Variants in USP53 observed in about 807,000 individuals in gnomAD.
USP53 encodes ubiquitin carboxyl-terminal hydrolase 53.
Under a neutral mutation model 94.9 loss-of-function variants are expected in USP53, and 71 were observed. The observed-to-expected ratio is 0.75, with a 90% CI of 0.62 to 0.91. The LOEUF (loss-of-function observed/expected upper bound fraction) is 0.91. Ranked by LOEUF, USP53 falls within the 40% of genes least tolerant of loss-of-function variation. The pLI is 0.00. For synonymous variants in USP53, 375 were observed against 422.7 expected, an observed-to-expected ratio of 0.89 and a Z score of 1.39; for missense variants, 1,173 against 1,281.0, an observed-to-expected ratio of 0.92 and a Z score of 1.29.
chr4:119,261,854 A>G lies in USP53; in HGVS notation c.962A>G (p.Asn321Ser), dbSNP rs779901722. 8 of 1,474,710 alleles carry G rather than the reference A, an allele frequency of 5.4e-6. No homozygotes were observed. The highest frequency in any genetic ancestry group is 2.8e-5 in the African/African-American group (2 of 72,410). The allele number at this position is 1,474,710 out of a possible 1,614,324, so 91.4% of individuals were successfully genotyped here. The stretch of plus-strand genomic sequence containing the variant: ...AAATGGGTATTTTTTGATGATGCAA[A>G]TGTGAAAGAGGTAAGTGACACTTTC... ...SSKWVFFDDA[N>S]VKEIGTRWKD... Residue 321 changes from asparagine (N) to serine (S), a missense_variant, in exon 12 of 19, where the codon AAT becomes AGT. Coordinates refer to ENST00000692078, the MANE Select transcript of USP53 (RefSeq NM_001371395.1).
At chr4:119,230,990 G>A (rs541576370) in intron 3 of USP53, among the ~76,000 whole-genome samples, 2 of 152,290 alleles carry the variant, frequency 1.3e-5, no homozygotes, top group South Asian at 4.1e-4. Context: ...AGCCCATGCA[G>A]GCTGTGTGAG....
At chr4:119,244,518 T>C (rs28449467) in intron 5 of USP53, among the ~76,000 whole-genome samples, 22,571 of 152,206 alleles carry the variant, frequency 0.15, 2,709 homozygotes, top group African/African-American at 0.33. Context: ...AAATAGCAGC[T>C]GGTACTCATT....
rs190283160 is a variant in USP53 at position 119,257,229 on chromosome 4, G to T, written c.569+706G>T. 2.0e-3 allele frequency among the ~76,000 whole-genome samples: 298 copies of T among 152,278 alleles called. 2 individuals are homozygous for T. Among genetic ancestry groups the T allele is most frequent in the Middle Eastern group, 6.8e-3 (2 of 294 alleles). On this transcript the variant is annotated intron_variant, in intron 9 of 18. Transcript: ENST00000692078. Reference sequence around the variant, plus strand: ...GGCCAAGGCAGGTGGATCACCTGAGGTCAGGAGTTCAAGACCAGCCTGGCC... The same window carrying T: ...GGCCAAGGCAGGTGGATCACCTGAGTTCAGGAGTTCAAGACCAGCCTGGCC...
At position 119,271,390 on chromosome 4, in the gene USP53, T is replaced by A. The variant is rs558258113; in HGVS notation, c.1530T>A (p.Ser510Arg). The A allele has an allele frequency of 6.2e-7, 1 of 1,613,712 alleles. No individual in the cohort carries two copies. Among genetic ancestry groups the A allele is most frequent in the Middle Eastern group, 1.7e-4 (1 of 6,058 alleles). ...KQHGNPHLYH[S>R]QGKGSYKHDR... ...ATGGGAATCCACATCTATATCATAGTCAAGGAAAAGGATCATATAAACATG... is the reference window on the plus strand; with the variant it reads ...ATGGGAATCCACATCTATATCATAGACAAGGAAAAGGATCATATAAACATG... The change falls in exon 16 of 19, where the codon AGT becomes AGA. Residue 510 changes from serine to arginine, a missense_variant. By Grantham distance (110) the Ser-to-Arg change is moderately radical. Transcript: ENST00000692078.
At chr4:119,214,604 C>T (rs1578393549) in intron 2 of USP53, among the ~76,000 whole-genome samples, 1 of 142,824 alleles carries the variant, frequency 7.0e-6, no homozygotes, top group Non-Finnish European at 1.5e-5. Context: ...CTAGTGTATT[C>T]TTTTCCTTAA....
chr4:119,234,231 GA>G (rs926581769), intron 3 of USP53, among the ~76,000 whole-genome samples: 8 of 152,286 alleles, frequency 5.3e-5, no homozygotes, highest in Non-Finnish European at 7.4e-5. Flanking sequence ...GTAAGGACTG[GA>G]AAAGGTCACA....
rs1561308995 is a variant in USP53 at position 119,271,680 on chromosome 4, C to T, written c.1820C>T (p.Pro607Leu). The change falls in exon 16 of 19, where the codon CCA becomes CTA. Residue 607 changes from proline to leucine, a missense_variant. Physicochemically the swap from Pro to Leu is moderately conservative, Grantham distance 98 (BLOSUM62 -3). Coordinates refer to ENST00000692078, the MANE Select transcript of USP53 (RefSeq NM_001371395.1). ...GAAAGTGAAAAAAGACAGCATAGTC[C>T]AAGACATAAACCAAATATCAGTAAT... ...FSESEKRQHS[P>L]RHKPNISNKP... 6.2e-7 allele frequency: 1 copy of T among 1,613,858 alleles called. No homozygotes were observed. The highest frequency in any genetic ancestry group is 8.5e-7 in the Non-Finnish European group (1 of 1,180,000).
At position 119,292,935 on chromosome 4, in the gene USP53, TA is replaced by T; in HGVS notation, c.2949del (p.Glu984LysfsTer5). 1 of 1,614,034 alleles carries T rather than the reference TA, an allele frequency of 6.2e-7. No individual in the cohort carries two copies. The highest frequency in any genetic ancestry group is 8.5e-7 in the Non-Finnish European group (1 of 1,179,960). ...VSTHMNDERH[K>X]ETFQVRECFG... is the part of the protein sequence containing the mutation. ...GTACACATATGAATGATGAAAGACA[TA>T]AAGAAACATTTCAAGTGAGAGAATG... On this transcript the variant is annotated frameshift_variant, in exon 19 of 19. Coordinates refer to ENST00000692078, the MANE Select transcript of USP53 (RefSeq NM_001371395.1). LOFTEE classifies it low-confidence loss of function (END_TRUNC).
intron 3 of USP53, among the ~76,000 whole-genome samples, chr4:119,223,821 C>A (rs1744874199): frequency 6.6e-6 from 1 of 152,098 alleles, no homozygotes; most frequent in African/African-American, 2.4e-5. Flanking sequence ...CTAAACTTCT[C>A]CTGACCTGAT....
intron 7 of USP53, among the ~76,000 whole-genome samples, chr4:119,252,369 T>C (rs906274976): frequency 3.5e-4 from 53 of 152,142 alleles, no homozygotes; most frequent in Non-Finnish European, 6.6e-4. Flanking sequence ...GTCCTGGACT[T>C]TTTTTGGTTG....
Position 119,245,363 on chromosome 4 carries a change from A to T in USP53, c.171A>T (p.Arg57=), listed in dbSNP as rs1330309109. 2 of 1,613,902 alleles carry T rather than the reference A, an allele frequency of 1.2e-6. No individual in the cohort carries two copies. The highest frequency in any genetic ancestry group is 1.7e-6 in the Non-Finnish European group (2 of 1,179,892). The change falls in exon 6 of 19, where the codon CGA becomes CGT. Residue 57 remains arginine (R), a synonymous_variant. Coordinates refer to ENST00000692078, the MANE Select transcript of USP53 (RefSeq NM_001371395.1). ...VQVLWQLDIF[R]RSLRVLTGHV... ...TTTTATGGCAATTGGATATATTCCG[A>T]CGAAGCTTGCGGGTTTTGACTGGAC...
At chr4:119,227,659 A>G (rs1231303837) in intron 3 of USP53, among the ~76,000 whole-genome samples, 1 of 152,206 alleles carries the variant, frequency 6.6e-6, no homozygotes, top group African/African-American at 2.4e-5. Flanking sequence ...ATTGCATAGT[A>G]TTCAAAAACT....
intron 17 of USP53, among the ~76,000 whole-genome samples, chr4:119,287,491 A>G (rs1303564738): frequency 1.3e-5 from 2 of 152,158 alleles, no homozygotes; most frequent in Non-Finnish European, 2.9e-5. Flanking sequence ...AAAAATATCT[A>G]AGATAAAGAA....
At chr4:119,267,263 G>T in intron 12 of USP53, 57 bp from the exon 13 acceptor site, 1 of 1,535,922 alleles carries the variant, frequency 6.5e-7, no homozygotes, top group African/African-American at 1.4e-5. Flanking sequence ...GTCTTTTCAT[G>T]TAACACATTG....
intron 3 of USP53, among the ~76,000 whole-genome samples, chr4:119,228,461 A>G (rs1173185713): frequency 6.6e-6 from 1 of 152,156 alleles, no homozygotes; most frequent in East Asian, 1.9e-4. Context: ...TAATCGCCAT[A>G]TTTTTAGGTC....
At chr4:119,288,262 T>C (rs1274991006) in intron 17 of USP53, among the ~76,000 whole-genome samples, 1 of 152,220 alleles carries the variant, frequency 6.6e-6, no homozygotes, top group African/African-American at 2.4e-5. Flanking sequence ...AAATTAACTA[T>C]TGAAAACAAA....
intron 17 of USP53, among the ~76,000 whole-genome samples, chr4:119,278,755 G>T (rs1156407316): frequency 1.5e-5 from 1 of 67,366 alleles, no homozygotes; most frequent in Non-Finnish European, 4.0e-5. Context: ...ACGTAGATTT[G>T]GTCTTTTCAC....
Position 119,273,686 on chromosome 4 carries a change from T to A in USP53, c.2229T>A (p.Leu743=), listed in dbSNP as rs756883101. ...LNKERGDCTS[L]QSQHHLEGFR... The stretch of plus-strand genomic sequence containing the variant: ...AAGAACGTGGGGACTGTACCTCCCT[T>A]CAGAGCCAACATCACTTAGAAGGTA... Residue 743 remains leucine (L), a synonymous_variant, in exon 17 of 19, where the codon CTT becomes CTA. Coordinates refer to ENST00000692078, the MANE Select transcript of USP53 (RefSeq NM_001371395.1). The A allele has an allele frequency of 3.7e-6, 6 of 1,612,390 alleles. No homozygotes were observed. Among genetic ancestry groups the A allele is most frequent in the Non-Finnish European group, 5.1e-6 (6 of 1,178,992 alleles).
chr4:119,237,249 TAC>T (rs1188892711), intron 4 of USP53, among the ~76,000 whole-genome samples: 1 of 152,214 alleles, frequency 6.6e-6, no homozygotes, highest in East Asian at 1.9e-4. Flanking sequence ...ATTTGTAGAA[TAC>T]AGTCAGTCTA....
Sources: gnomAD v4.1 joint callset for allele counts (sites outside exome capture counted in the v4.1 genomes callset) on GRCh38, gnomAD v4.1.1 for gene constraint, MANE v1.5 for transcripts, NCBI Gene and HGNC (gene_info 2026-07-23, HGNC 2026-07-21) for gene names.